Variants in GSR observed in about 807,000 individuals in gnomAD.
GSR encodes glutathione reductase, mitochondrial.
GSR carries 48 observed loss-of-function variants against 56.5 expected under a neutral mutation model. The ratio of observed to expected loss-of-function variants is 0.85; its 90% CI spans 0.67 to 1.08. GSR has a LOEUF of 1.08. Ranked by LOEUF, GSR falls within the 50% of genes least tolerant of loss-of-function variation. The pLI, the probability that GSR is intolerant of heterozygous loss-of-function variation, is 0.00. For synonymous variants in GSR, 264 were observed against 270.8 expected (o/e 0.97, Z 0.25); for missense variants, 694 against 703.3 (o/e 0.99, Z 0.15).
Position 30,703,065 on chromosome 8 carries a change from G to A in GSR, c.640+28C>T, listed in dbSNP as rs776811620. 5 of 1,610,752 alleles carry A rather than the reference G, an allele frequency of 3.1e-6. No individual in the cohort carries two copies. In the South Asian group the frequency reaches 3.3e-5, roughly 11 times the overall value. On this transcript the variant is annotated intron_variant, in intron 5 of 12. Coordinates refer to ENST00000221130, the MANE Select transcript of GSR (RefSeq NM_000637.5). ...AAGCAACAGTAAACTCCTGACTGCT[G>A]TTAATGAGTACCTGTTGTATGACTC...
intron 8 of GSR, among the ~76,000 whole-genome samples, chr8:30,692,491 C>T (rs2128741282): frequency 9.6e-6 from 1 of 103,942 alleles, no homozygotes; most frequent in East Asian, 3.1e-4. Context: ...CCACCACACC[C>T]AGACTTTTTT....
chr8:30,694,592 G>A (rs569452544), intron 7 of GSR, among the ~76,000 whole-genome samples: 5 of 152,166 alleles, frequency 3.3e-5, no homozygotes, highest in Admixed American at 1.3e-4. Context: ...CCAGGAGTTC[G>A]AGACCAGCCT....
intron 1 of GSR, among the ~76,000 whole-genome samples, chr8:30,727,315 C>G (rs901749325): frequency 2.6e-5 from 4 of 152,220 alleles, no homozygotes; most frequent in Non-Finnish European, 5.9e-5. Context: ...CGGAAGCAGA[C>G]GCTGGCTCGG....
chr8:30,726,471 T>C (rs8190892), intron 1 of GSR, among the ~76,000 whole-genome samples: 6,447 of 152,250 alleles, frequency 0.042, 459 homozygotes, highest in African/African-American at 0.14. Flanking sequence ...ACAACATTTA[T>C]TTTTAGAATG....
chr8:30,684,131 G>C lies in GSR; in HGVS notation c.1110C>G (p.Ile370Met). The C allele has an allele frequency of 6.2e-7, 1 of 1,608,066 alleles. No homozygotes were observed. Among genetic ancestry groups the C allele is most frequent in the East Asian group, 2.2e-5 (1 of 44,864 alleles). ...TTCCACATACATCCCCAACTGCATA[G>C]ATGCCTTTGACGTTGGTATTCTGGA... ...DEFQNTNVKG[I>M]YAVGDVCGKA... Residue 370 changes from isoleucine (I) to methionine (M), a missense_variant, in exon 10 of 13, where the codon ATC (isoleucine) becomes ATG (methionine). Transcript: ENST00000221130.
chr8:30,726,655 A>C (rs965168460), intron 1 of GSR, among the ~76,000 whole-genome samples: 1 of 152,064 alleles, frequency 6.6e-6, no homozygotes, highest in African/African-American at 2.4e-5. Context: ...CCAGCTACTC[A>C]GGAGGCCAAG....
intron 9 of GSR, among the ~76,000 whole-genome samples, chr8:30,687,147 G>C (rs1803190538): frequency 6.6e-6 from 1 of 151,878 alleles, no homozygotes; most frequent in South Asian, 2.1e-4. Flanking sequence ...GACTAGTTTT[G>C]TTAATATGAA....
Position 30,681,934 on chromosome 8 carries a change from C to A in GSR, c.1281G>T (p.Thr427=). ...SHPPIGTVGL[T]EDEAIHKYGI... is the part of the protein sequence containing the mutation. The stretch of plus-strand genomic sequence containing the variant: ...CTTCAGTTTTTAAATACCTACCTTC[C>A]GTGAGTCCCACTGTCCCAATAGGGG... The change falls in exon 11 of 13, where the codon ACG becomes ACT. Residue 427 remains threonine (T), a synonymous_variant. Transcript: ENST00000221130. 6.2e-7 allele frequency: 1 copy of A among 1,613,756 alleles called. No individual in the cohort carries two copies. The highest frequency in any genetic ancestry group is 8.5e-7 in the Non-Finnish European group (1 of 1,179,718).
intron 8 of GSR, among the ~76,000 whole-genome samples, chr8:30,691,029 G>T (rs972727876): frequency 6.6e-6 from 1 of 151,872 alleles, no homozygotes; most frequent in African/African-American, 2.4e-5. Flanking sequence ...TACAGCCTGG[G>T]CAACACAGCA....
At position 30,727,700 on chromosome 8, in the gene GSR, A is replaced by G. The variant is rs1804791388; in HGVS notation, c.136T>C (p.Cys46Arg). The change falls in exon 1 of 13, where the codon TGC becomes CGC. Residue 46 changes from cysteine to arginine, a missense_variant. By Grantham distance (180) the Cys-to-Arg change is radical. Coordinates refer to ENST00000221130, the MANE Select transcript of GSR (RefSeq NM_000637.5). ...CCCTGCGGCTGCGGCTCCTGCCTGC[A>G]GGCCATGGCACGGGAGAGGGCGCGC... ...LTRALSRAMA[C>R]RQEPQPQGPP... The G allele has an allele frequency of 7.0e-7, 1 of 1,432,324 alleles. No homozygotes were observed. The highest frequency in any genetic ancestry group is 2.4e-4 in the Middle Eastern group (1 of 4,232). The allele number at this position is 1,432,324 out of a possible 1,614,324, so 88.7% of individuals were successfully genotyped here. A position where few individuals can be genotyped will look rare whatever the true frequency, so the allele number is the denominator to read the frequency against.
At chr8:30,713,441 C>G (rs538164106) in intron 1 of GSR, among the ~76,000 whole-genome samples, 3 of 152,128 alleles carry the variant, frequency 2.0e-5, no homozygotes, top group Non-Finnish European at 2.9e-5. Context: ...TCACTGCAAC[C>G]TCTGCCTCCC....
chr8:30,689,259 C>T lies in GSR; in HGVS notation c.943G>A (p.Gly315Ser), dbSNP rs201798705. 3.7e-4 allele frequency: 591 copies of T among 1,613,724 alleles called. No individual in the cohort carries two copies. Among genetic ancestry groups the T allele is most frequent in the Non-Finnish European group, 3.2e-4 (379 of 1,179,650 alleles). ...LEVSMVTAVP[G>S]RLPVMTMIPD... ...ATCATGGTCATGACTGGTAGCCTACCGGGAACTGCAGTAACCATGCTGACT... is the reference window on the plus strand; with the variant it reads ...ATCATGGTCATGACTGGTAGCCTACTGGGAACTGCAGTAACCATGCTGACT... Residue 315 changes from glycine (G) to serine (S), a missense_variant, in exon 9 of 13, where the codon GGT becomes AGT. By Grantham distance (56) the Gly-to-Ser change is moderately conservative (BLOSUM62 0). Coordinates refer to ENST00000221130, the MANE Select transcript of GSR (RefSeq NM_000637.5).
chr8:30,702,916 C>A (rs920154215), intron 5 of GSR, among the ~76,000 whole-genome samples, 177 bp downstream of exon 5: 1 of 152,130 alleles, frequency 6.6e-6, no homozygotes, highest in Non-Finnish European at 1.5e-5. Context: ...CCAGCCTGGG[C>A]GACTGCATCA....
chr8:30,692,966 T>C lies in GSR; in HGVS notation c.882+3A>G. Reference sequence around the variant, plus strand: ...GCGTGCATGCCTGGGCTTGGCACTGTACCTGGGAGAACTTCAGCACCTCCA... The same window carrying C: ...GCGTGCATGCCTGGGCTTGGCACTGCACCTGGGAGAACTTCAGCACCTCCA... On this transcript the variant is annotated splice_donor_region_variant and intron_variant, in intron 8 of 12. Transcript: ENST00000221130. The C allele has an allele frequency of 6.3e-7, 1 of 1,596,446 alleles. No homozygotes were observed. Among genetic ancestry groups the C allele is most frequent in the Non-Finnish European group, 8.6e-7 (1 of 1,164,966 alleles).
chr8:30,692,722 G>A (rs951054270), intron 8 of GSR, among the ~76,000 whole-genome samples: 7 of 150,918 alleles, frequency 4.6e-5, no homozygotes, highest in Admixed American at 6.6e-5. Flanking sequence ...GGCTGTTCTC[G>A]AAGTCCTGAC....
At position 30,725,787 on chromosome 8, in the gene GSR, C is replaced by T. The variant is rs560908746; in HGVS notation, c.306+1743G>A. On this transcript the variant is annotated intron_variant, in intron 1 of 12. Transcript: ENST00000221130. ...TTCCCAGCTACTCGAGAGGCTGAGA[C>T]GGGAGAACTGCTTGAACCTGGGAGG... 2.0e-4 allele frequency among the ~76,000 whole-genome samples: 30 copies of T among 147,402 alleles called. 1 individual carries two copies. The South Asian group carries it at 4.1e-3, about 20-fold the overall frequency.
intron 1 of GSR, among the ~76,000 whole-genome samples, chr8:30,717,488 A>G (rs887170392): frequency 5.9e-5 from 9 of 152,058 alleles, no homozygotes; most frequent in Admixed American, 2.0e-4. Context: ...GCGAAGCTTC[A>G]TATGTATTTA....
At chr8:30,723,807 CACACACACACA>C (rs749785447) in intron 1 of GSR, among the ~76,000 whole-genome samples, 39 of 150,342 alleles carry the variant, frequency 2.6e-4, no homozygotes, top group Non-Finnish European at 3.6e-4. Context: ...CACACACACA[CACACACACACA>C]CCCAGGTCTG....
At chr8:30,702,376 ATC>A (rs1241131400) in intron 5 of GSR, among the ~76,000 whole-genome samples, 5 of 152,278 alleles carry the variant, frequency 3.3e-5, no homozygotes, top group African/African-American at 1.2e-4. Context: ...AGTTATGACC[ATC>A]TCTGAGATTC....
Sources: gnomAD v4.1 joint callset for allele counts (sites outside exome capture counted in the v4.1 genomes callset) on GRCh38, gnomAD v4.1.1 for gene constraint, MANE v1.5 for transcripts, NCBI Gene and HGNC (gene_info 2026-07-23, HGNC 2026-07-21) for gene names.